The following PTPRA variants were observed in gnomAD, a reference collection of about 807,000 sequenced individuals.
The protein encoded by PTPRA is receptor-type tyrosine-protein phosphatase alpha.
Under a neutral mutation model 104.8 loss-of-function variants are expected in PTPRA, and 25 were observed. The ratio of observed to expected loss-of-function variants is 0.24; its 90% CI spans 0.17 to 0.33. The LOEUF is 0.33. PTPRA is among the 10% of genes least tolerant of loss of function. The pLI is 1.00. For synonymous variants in PTPRA, 323 were observed against 368.9 expected (o/e 0.88, Z 1.43); for missense variants, 765 against 1,015.3 (o/e 0.75, Z 3.35).
intron 1 of PTPRA, among the ~76,000 whole-genome samples, chr20:2,902,901 C>T (rs1375771774): frequency 6.6e-6 from 1 of 152,096 alleles, no homozygotes; most frequent in Non-Finnish European, 1.5e-5. Context: ...AATATTATGA[C>T]TCCATAATAT....
chr20:2,877,591 C>A (rs1041003788), intron 1 of PTPRA, among the ~76,000 whole-genome samples: 1 of 152,028 alleles, frequency 6.6e-6, no homozygotes, highest in African/African-American at 2.4e-5. Context: ...CTGAGTACAA[C>A]AAAAATAGCA....
chr20:2,864,669 G>A, the PTPRA span: 1 of 1,597,248 alleles, frequency 6.3e-7, no homozygotes, highest in South Asian at 1.1e-5. This position sits in a 1 kb window ranked among gnomAD's most constrained non-coding sequence, Gnocchi z 5.2. Context: ...GAGATCCATG[G>A]GGCGTGTGGG....
At chr20:2,937,249 C>G (rs1177188795) in intron 2 of PTPRA, among the ~76,000 whole-genome samples, 1 of 151,644 alleles carries the variant, frequency 6.6e-6, no homozygotes, top group African/African-American at 2.4e-5. Flanking sequence ...TCAGCCCCTC[C>G]GAGTAGCTGG....
intron 5 of PTPRA, among the ~76,000 whole-genome samples, chr20:2,965,813 G>T (rs920302114): frequency 1.2e-4 from 18 of 152,160 alleles, no homozygotes; most frequent in Admixed American, 2.0e-4. Flanking sequence ...TGAAGCAGTA[G>T]TCCCAAGGAG....
At chr20:3,033,005 A>G (rs7262038) in intron 20 of PTPRA, among the ~76,000 whole-genome samples, 20,333 of 150,830 alleles carry the variant, frequency 0.13, 1,705 homozygotes, top group South Asian at 0.23. Flanking sequence ...CACCCCACTC[A>G]CTAACCTGGC....
intron 1 of PTPRA, among the ~76,000 whole-genome samples, chr20:2,897,380 A>ATTTCT (rs2059042292): frequency 1.6e-5 from 2 of 123,398 alleles, no homozygotes. Context: ...ATCACTTGGC[A>ATTTCT]TTTCTTTTTT....
chr20:2,986,053 C>T (rs2062893894), intron 6 of PTPRA, among the ~76,000 whole-genome samples: 2 of 152,216 alleles, frequency 1.3e-5, no homozygotes, highest in East Asian at 1.9e-4. Context: ...GGACTATAGG[C>T]GCACATCACC....
chr20:2,926,276 T>C (rs1490860576), intron 2 of PTPRA, among the ~76,000 whole-genome samples: 2 of 152,166 alleles, frequency 1.3e-5, no homozygotes, highest in African/African-American at 4.8e-5. Flanking sequence ...ACAATAGAAA[T>C]TTATTGTCTC....
At chr20:3,032,661 G>C (rs897662205) in intron 20 of PTPRA, among the ~76,000 whole-genome samples, 1 of 151,736 alleles carries the variant, frequency 6.6e-6, no homozygotes, top group African/African-American at 2.4e-5. Context: ...AGCTACTCGG[G>C]AGGCTGAGGC....
chr20:2,910,578 G>GTTTCTTTTTTTTTTTTTTTT (rs1337126801), intron 1 of PTPRA, among the ~76,000 whole-genome samples: 10 of 32,424 alleles, frequency 3.1e-4, no homozygotes, highest in South Asian at 1.6e-3. Context: ...TGCCCAGCTA[G>GTTTCTTTTTTTTTTTTTTTT]TTTTTTTTTT....
chr20:2,874,180 C>A (rs1269330102), intron 1 of PTPRA, among the ~76,000 whole-genome samples: 1 of 151,708 alleles, frequency 6.6e-6, no homozygotes, highest in Admixed American at 6.6e-5. Context: ...CCTTCAAGTC[C>A]ACCTCCCTCG....
chr20:2,900,199 C>G (rs1373309585), intron 1 of PTPRA, among the ~76,000 whole-genome samples: 1 of 151,972 alleles, frequency 6.6e-6, no homozygotes, highest in Non-Finnish European at 1.5e-5. Flanking sequence ...GCCCTGTCAC[C>G]CAGGCGGTAG....
At chr20:2,956,054 A>T (rs1402266950) in intron 3 of PTPRA, among the ~76,000 whole-genome samples, 1 of 152,086 alleles carries the variant, frequency 6.6e-6, no homozygotes, top group African/African-American at 2.4e-5. Context: ...TACCTCCAAC[A>T]TCTCATTAGC....
At chr20:2,928,159 G>A (rs1012410780) in intron 2 of PTPRA, among the ~76,000 whole-genome samples, 14 of 151,926 alleles carry the variant, frequency 9.2e-5, no homozygotes, top group African/African-American at 1.5e-4. Flanking sequence ...TTTTGGAGAC[G>A]GAGTCTCGCT....
At chr20:2,911,857 G>A (rs774285687) in intron 1 of PTPRA, among the ~76,000 whole-genome samples, 12 of 151,978 alleles carry the variant, frequency 7.9e-5, no homozygotes, top group African/African-American at 2.4e-4. Context: ...AGTGGAAATC[G>A]TATACTAAAA....
intron 2 of PTPRA, among the ~76,000 whole-genome samples, chr20:2,943,936 A>G (rs1236251358): frequency 6.6e-6 from 1 of 152,126 alleles, no homozygotes; most frequent in Non-Finnish European, 1.5e-5. Flanking sequence ...GCCTAGCAAA[A>G]CATCCCCAAA....
At chr20:2,932,582 G>A (rs1223665734) in intron 2 of PTPRA, among the ~76,000 whole-genome samples, 2 of 152,216 alleles carry the variant, frequency 1.3e-5, no homozygotes, top group Non-Finnish European at 2.9e-5. Flanking sequence ...TCTTCCTCTA[G>A]TCTAAAAAGG....
chr20:2,864,757 A>T, the PTPRA span: 15 of 1,293,718 alleles, frequency 1.2e-5, no homozygotes, highest in Non-Finnish European at 1.6e-5. This position sits in a 1 kb window ranked among gnomAD's most constrained non-coding sequence, Gnocchi z 5.2. Context: ...TGCACACTCC[A>T]TCTGGTCCTC....
At chr20:2,900,182 G>A (rs1313706351) in intron 1 of PTPRA, among the ~76,000 whole-genome samples, 1 of 151,842 alleles carries the variant, frequency 6.6e-6, no homozygotes, top group African/African-American at 2.4e-5. Flanking sequence ...TCTTTAGATG[G>A]GGTCTTGCCC....
Sources: gnomAD v4.1 joint callset for allele counts (sites outside exome capture counted in the v4.1 genomes callset) on GRCh38, gnomAD v4.1.1 for gene constraint, Gnocchi (gnomAD v3.1) non-coding constraint, MANE v1.5 for transcripts, NCBI Gene and HGNC (gene_info 2026-07-23, HGNC 2026-07-21) for gene names.